Variants in CACNB2 observed in about 807,000 individuals in gnomAD.
CACNB2 encodes the protein voltage-dependent L-type calcium channel subunit beta-2.
In CACNB2, 42 loss-of-function variants were observed where a neutral mutation model predicts 73.3. That is an observed-to-expected ratio of 0.57 (90% CI 0.45 to 0.74). CACNB2 has a LOEUF of 0.74. CACNB2 is among the 30% of genes least tolerant of loss of function. The probability of loss-of-function intolerance (pLI) is 0.00; values close to 1 mark genes in which losing one functional copy is unlikely to be tolerated. For missense variants in CACNB2, 940 were observed against 853.0 expected, an observed-to-expected ratio of 1.10 and a Z score of -1.27; for synonymous variants, 348 against 310.3, an observed-to-expected ratio of 1.12 and a Z score of -1.28.
intron 3 of CACNB2, among the ~76,000 whole-genome samples, chr10:18,431,910 G>A (rs949118657): frequency 4.6e-5 from 7 of 152,192 alleles, no homozygotes; most frequent in African/African-American, 7.2e-5. Context: ...AACTGCAGGC[G>A]TGTGCCGCTA....
chr10:18,321,072 C>A (rs1320260931), intron 2 of CACNB2, among the ~76,000 whole-genome samples: 1 of 152,140 alleles, frequency 6.6e-6, no homozygotes, highest in Admixed American at 6.6e-5. Context: ...GAAGTGCAGT[C>A]CAGGAAGAAA....
chr10:18,245,452 C>A (rs2036824768), intron 2 of CACNB2, among the ~76,000 whole-genome samples: 1 of 152,078 alleles, frequency 6.6e-6, no homozygotes, highest in Non-Finnish European at 1.5e-5. Flanking sequence ...TCTTGAGTGG[C>A]TGGGACTTAC....
intron 1 of CACNB2, among the ~76,000 whole-genome samples, chr10:18,143,239 T>G (rs1210166203): frequency 6.6e-6 from 1 of 152,232 alleles, no homozygotes; most frequent in Non-Finnish European, 1.5e-5. Flanking sequence ...AATATTCACT[T>G]GGAAATGTTC....
intron 2 of CACNB2, among the ~76,000 whole-genome samples, chr10:18,187,431 G>A (rs1650811163): frequency 6.6e-6 from 1 of 152,144 alleles, no homozygotes; most frequent in African/African-American, 2.4e-5. Context: ...ATGCTGTTAT[G>A]TATCAAATTT....
chr10:18,263,702 A>G (rs1204402318), intron 2 of CACNB2, among the ~76,000 whole-genome samples: 1 of 152,162 alleles, frequency 6.6e-6, no homozygotes, highest in Non-Finnish European at 1.5e-5. Flanking sequence ...CTCATATGCC[A>G]TAGTTCTTTA....
At chr10:18,367,276 CA>C (rs2042395112) in intron 2 of CACNB2, among the ~76,000 whole-genome samples, 1 of 151,624 alleles carries the variant, frequency 6.6e-6, no homozygotes, top group South Asian at 2.1e-4. Flanking sequence ...TTGAAATGAA[CA>C]CATTTTATAA....
intron 2 of CACNB2, among the ~76,000 whole-genome samples, chr10:18,235,386 AG>A (rs1446286529): frequency 6.6e-6 from 1 of 151,974 alleles, no homozygotes; most frequent in Non-Finnish European, 1.5e-5. Context: ...TGATCCTAGA[AG>A]GTTAAGGCTG....
chr10:18,384,341 C>T (rs1589203229), intron 2 of CACNB2, among the ~76,000 whole-genome samples: 1 of 152,028 alleles, frequency 6.6e-6, no homozygotes, highest in East Asian at 1.9e-4. Flanking sequence ...GAAAAATTAC[C>T]ACAGAAATCG....
intron 2 of CACNB2, among the ~76,000 whole-genome samples, chr10:18,170,331 C>T (rs2131145688): frequency 6.6e-6 from 1 of 152,294 alleles, no homozygotes; most frequent in African/African-American, 2.4e-5. Context: ...CTCTCAGATT[C>T]CTACAGATGG....
intron 2 of CACNB2, among the ~76,000 whole-genome samples, chr10:18,361,332 A>AT (rs2042127636): frequency 7.0e-6 from 1 of 143,606 alleles, no homozygotes; most frequent in Non-Finnish European, 1.5e-5. Flanking sequence ...TCTACAAAAA[A>AT]TTAAAAAAAA....
At chr10:18,233,076 C>A (rs1185861185) in intron 2 of CACNB2, among the ~76,000 whole-genome samples, 2 of 152,148 alleles carry the variant, frequency 1.3e-5, no homozygotes, top group Non-Finnish European at 2.9e-5. Flanking sequence ...CAGGGCAAGA[C>A]CCTGTCTCAA....
At chr10:18,199,603 G>A (rs138202056) in intron 2 of CACNB2, among the ~76,000 whole-genome samples, 1 of 152,216 alleles carries the variant, frequency 6.6e-6, no homozygotes, top group East Asian at 1.9e-4. Flanking sequence ...AAGGGATAAG[G>A]GTTTGGATAA....
chr10:18,475,124 G>A (rs144345760), intron 3 of CACNB2, among the ~76,000 whole-genome samples: 105 of 151,232 alleles, frequency 6.9e-4, no homozygotes, highest in Middle Eastern at 3.4e-3. Flanking sequence ...AGGGATGGGA[G>A]AGGGTGCAGA....
intron 1 of CACNB2, among the ~76,000 whole-genome samples, chr10:18,142,894 T>C (rs1469865058): frequency 6.6e-6 from 1 of 152,166 alleles, no homozygotes; most frequent in Admixed American, 6.5e-5. Flanking sequence ...GGAATAAGGA[T>C]AATAAACACG....
At chr10:18,529,406 C>T (rs552149512) in intron 10 of CACNB2, among the ~76,000 whole-genome samples, 33 of 152,052 alleles carry the variant, frequency 2.2e-4, no homozygotes, top group Non-Finnish European at 4.1e-4. Flanking sequence ...AGCCATAAGG[C>T]GAATCAGTGA....
At chr10:18,316,663 T>C (rs1227013206) in intron 2 of CACNB2, among the ~76,000 whole-genome samples, 1 of 152,116 alleles carries the variant, frequency 6.6e-6, no homozygotes, top group Non-Finnish European at 1.5e-5. Flanking sequence ...AATTTCACCA[T>C]GTTGCCTCAG....
At chr10:18,302,396 T>G (rs914573508) in intron 2 of CACNB2, among the ~76,000 whole-genome samples, 1 of 152,194 alleles carries the variant, frequency 6.6e-6, no homozygotes, top group East Asian at 1.9e-4. Context: ...TATACTTGCA[T>G]GCACGTTTAT....
chr10:18,447,059 CA>C (rs373210078), intron 3 of CACNB2, among the ~76,000 whole-genome samples: 4,408 of 121,596 alleles, frequency 0.036, 82 homozygotes, highest in East Asian at 0.11. Flanking sequence ...GGCTCTGTCT[CA>C]AAAAAAAAAA....
intron 2 of CACNB2, among the ~76,000 whole-genome samples, chr10:18,173,218 C>A (rs2033370669): frequency 6.6e-6 from 1 of 152,090 alleles, no homozygotes; most frequent in African/African-American, 2.4e-5. Context: ...TTGCACCTGG[C>A]CATAAGGCCT....
Sources: gnomAD v4.1 joint callset for allele counts (sites outside exome capture counted in the v4.1 genomes callset) on GRCh38, gnomAD v4.1.1 for gene constraint, MANE v1.5 for transcripts, NCBI Gene and HGNC (gene_info 2026-07-23, HGNC 2026-07-21) for gene names.